Variants in ABCC4 observed in about 807,000 individuals in gnomAD.
The protein encoded by ABCC4 is ATP binding cassette subfamily C member 4 (PEL blood group).
In ABCC4, 102 loss-of-function variants were observed where a neutral mutation model predicts 168.5. The ratio of observed to expected loss-of-function variants is 0.61; its 90% CI spans 0.52 to 0.71. The LOEUF (loss-of-function observed/expected upper bound fraction) is 0.71. ABCC4 is among the 30% of genes least tolerant of loss of function. The pLI is 0.00. For missense variants in ABCC4, 1,402 were observed against 1,605.8 expected (o/e 0.87, Z 2.17); for synonymous variants, 617 against 590.7 (o/e 1.04, Z -0.65).
chr13:95,219,794 GAGGT>G (rs1391424916), intron 4 of ABCC4, among the ~76,000 whole-genome samples: 8 of 152,094 alleles, frequency 5.3e-5, no homozygotes, highest in African/African-American at 1.7e-4. Context: ...TCTAGGATTA[GAGGT>G]GTGTTTGGCA....
intron 21 of ABCC4, among the ~76,000 whole-genome samples, chr13:95,081,508 T>C (rs1321804211): frequency 6.6e-6 from 1 of 152,214 alleles, no homozygotes; most frequent in Admixed American, 6.5e-5. Flanking sequence ...AATTATACTC[T>C]ACCTTCCCTA....
chr13:95,290,407 T>C (rs931440392), intron 1 of ABCC4, among the ~76,000 whole-genome samples: 5 of 152,086 alleles, frequency 3.3e-5, no homozygotes, highest in Non-Finnish European at 5.9e-5. Context: ...AGCCAGCTTG[T>C]GTTAAGAGGA....
At chr13:95,225,409 C>T (rs1030268696) in intron 4 of ABCC4, among the ~76,000 whole-genome samples, 3 of 152,330 alleles carry the variant, frequency 2.0e-5, no homozygotes, top group African/African-American at 7.2e-5. Context: ...GTGGCTCACT[C>T]CTGTAATCCC....
chr13:95,208,159 T>A (rs921546191), intron 6 of ABCC4, among the ~76,000 whole-genome samples: 6 of 151,972 alleles, frequency 3.9e-5, no homozygotes, highest in Non-Finnish European at 5.9e-5. Context: ...GAGGAAGACA[T>A]GAAAATGAGT....
chr13:95,039,265 T>G (rs1410356924), intron 29 of ABCC4, among the ~76,000 whole-genome samples: 1 of 152,208 alleles, frequency 6.6e-6, no homozygotes, highest in Non-Finnish European at 1.5e-5. Flanking sequence ...GAGTGTCTCC[T>G]ACAAGCTTCA....
Position 95,021,583 on chromosome 13 carries a change from C to T in ABCC4, c.3970G>A (p.Ala1324Thr), listed in dbSNP as rs201869271. Residue 1324 changes from alanine to threonine, a missense_variant, in exon 31 of 31, where the codon GCA (alanine) becomes ACA (threonine). Physicochemically the swap from Ala to Thr is moderately conservative, Grantham distance 58. This residue lies in a region of ABCC4 where 1,007 missense variants were observed against 1,127.3 expected (regional missense o/e 0.89). Transcript: ENST00000645237. ...QPSTLTIFET[A>T]L ...TGACATTTTGGTTGGATTCACAGTG[C>T]TGTCTCGAAAATAGTTAAGGTCGAG... The T allele has an allele frequency of 8.2e-5, 131 of 1,607,096 alleles. No individual in the cohort carries two copies. The highest frequency in any genetic ancestry group is 1.0e-4 in the Non-Finnish European group (122 of 1,174,042).
At chr13:95,231,891 G>A (rs2039630956) in intron 4 of ABCC4, among the ~76,000 whole-genome samples, 1 of 152,164 alleles carries the variant, frequency 6.6e-6, no homozygotes. Context: ...TATCTCACTT[G>A]TACAAAGAGC....
chr13:95,216,632 AC>A (rs34429583), intron 4 of ABCC4, among the ~76,000 whole-genome samples: 3 of 140,908 alleles, frequency 2.1e-5, no homozygotes, highest in Admixed American at 7.1e-5. Context: ...AAAAAAAAAA[AC>A]CAGCACAAAT....
intron 3 of ABCC4, among the ~76,000 whole-genome samples, chr13:95,240,332 G>A (rs9590212): frequency 0.29 from 44,337 of 152,072 alleles, 7,041 homozygotes; most frequent in Non-Finnish European, 0.35. Context: ...AGGAGTTCGA[G>A]ACCAGCCTGG....
chr13:95,231,658 G>A (rs1270369039), intron 4 of ABCC4, among the ~76,000 whole-genome samples: 4 of 152,148 alleles, frequency 2.6e-5, no homozygotes, highest in South Asian at 2.1e-4. Flanking sequence ...GAGGATATTC[G>A]TCTTTCCCAC....
At chr13:95,293,805 G>A (rs866516280) in intron 1 of ABCC4, among the ~76,000 whole-genome samples, 5 of 141,398 alleles carry the variant, frequency 3.5e-5, no homozygotes, top group Non-Finnish European at 7.6e-5. Context: ...TTTTGAGACA[G>A]AGTCTCATTC....
At chr13:95,136,450 C>A (rs1484886549) in intron 19 of ABCC4, among the ~76,000 whole-genome samples, 3 of 152,148 alleles carry the variant, frequency 2.0e-5, no homozygotes, top group Non-Finnish European at 4.4e-5. Context: ...CCACCGTACC[C>A]GGCCAGATCT....
intron 4 of ABCC4, among the ~76,000 whole-genome samples, chr13:95,232,704 A>G (rs1441953275): frequency 6.6e-6 from 1 of 151,918 alleles, no homozygotes; most frequent in African/African-American, 2.4e-5. Flanking sequence ...TAAATGGCTT[A>G]AAAAAACGGC....
chr13:95,142,599 T>A (rs77576846), intron 19 of ABCC4, among the ~76,000 whole-genome samples: 1,673 of 152,038 alleles, frequency 0.011, 86 homozygotes, highest in Admixed American at 0.084. Flanking sequence ...AAAAAATTTT[T>A]AAATTTAACA....
intron 1 of ABCC4, among the ~76,000 whole-genome samples, chr13:95,257,941 C>T (rs9556467): frequency 0.93 from 141,017 of 152,276 alleles, 65,502 homozygotes; most frequent in East Asian, 1. Flanking sequence ...ACATGTGTCA[C>T]GTAACTCAGC....
chr13:95,153,142 T>C (rs946135152), intron 19 of ABCC4, among the ~76,000 whole-genome samples: 2 of 152,210 alleles, frequency 1.3e-5, no homozygotes, highest in African/African-American at 4.8e-5. Flanking sequence ...AGCTAAGAAC[T>C]AAGTCATGAA....
chr13:95,041,175 A>AG (rs1224844497), intron 29 of ABCC4, among the ~76,000 whole-genome samples: 30 of 152,384 alleles, frequency 2.0e-4, no homozygotes, highest in Admixed American at 4.6e-4. Flanking sequence ...GTGGCAACTG[A>AG]GCAAATGAAG....
chr13:95,217,991 C>T (rs2039172873), intron 4 of ABCC4, among the ~76,000 whole-genome samples: 1 of 152,164 alleles, frequency 6.6e-6, no homozygotes. Context: ...GTGTTTTAGA[C>T]TAGGATGTGG....
At chr13:95,291,009 A>AAAAAAAAAAAAAAGAG (rs1394530639) in intron 1 of ABCC4, among the ~76,000 whole-genome samples, 1 of 123,354 alleles carries the variant, frequency 8.1e-6, no homozygotes, top group Admixed American at 1.0e-4. Context: ...AAAAAAAAAA[A>AAAAAAAAAAAAAAGAG]AGAGGAAACC....
Sources: gnomAD v4.1 joint callset for allele counts (sites outside exome capture counted in the v4.1 genomes callset) on GRCh38, gnomAD v4.1.1 for gene constraint, gnomAD v4.1.1 regional missense constraint, MANE v1.5 for transcripts, NCBI Gene and HGNC (gene_info 2026-07-23, HGNC 2026-07-21) for gene names.